BAIAP2L1: variants seen among roughly 807,000 people sequenced by gnomAD.
BAIAP2L1 encodes BAR/IMD domain containing adaptor protein 2 like 1.
Under a neutral mutation model 66.3 loss-of-function variants are expected in BAIAP2L1, and 35 were observed. That is an observed-to-expected ratio of 0.53 (90% CI 0.40 to 0.70). BAIAP2L1 has a LOEUF of 0.70. Among genes scored for constraint, BAIAP2L1 ranks in the 30% least tolerant of loss-of-function variants. The pLI is 0.00. For synonymous variants in BAIAP2L1, 269 were observed against 248.7 expected, an observed-to-expected ratio of 1.08 and a Z score of -0.77; for missense variants, 622 against 656.9, an observed-to-expected ratio of 0.95 and a Z score of 0.58.
rs1021740266 is a variant in BAIAP2L1 at position 98,292,605 on chromosome 7, T to C, written c.*916A>G. On this transcript the variant is annotated 3_prime_UTR_variant, in exon 14 of 14. Coordinates refer to ENST00000005260, the MANE Select transcript of BAIAP2L1 (RefSeq NM_018842.5). ...ATAGGGCCAGGTTCCGAGGGCATCA[T>C]GGCTGCTAGGCTGAAAAACCCGCCC... 5 of 1,549,870 alleles carry C rather than the reference T, an allele frequency of 3.2e-6. No individual in the cohort carries two copies. The highest frequency in any genetic ancestry group is 2.7e-5 in the African/African-American group (2 of 73,130).
At chr7:98,357,350 C>T (rs541775301) in intron 2 of BAIAP2L1, among the ~76,000 whole-genome samples, 79 of 150,850 alleles carry the variant, frequency 5.2e-4, no homozygotes, top group Non-Finnish European at 9.2e-4. Context: ...AGGAGGATCA[C>T]GAGGTCAAGA....
At chr7:98,370,987 T>G (rs1024277380) in intron 1 of BAIAP2L1, among the ~76,000 whole-genome samples, 58 of 152,134 alleles carry the variant, frequency 3.8e-4, no homozygotes, top group African/African-American at 1.4e-3. Context: ...TCCCACATTT[T>G]GGGGGAGAGC....
intron 1 of BAIAP2L1, among the ~76,000 whole-genome samples, chr7:98,371,856 G>A (rs543036105): frequency 5.0e-4 from 76 of 151,138 alleles, no homozygotes; most frequent in Non-Finnish European, 8.3e-4. Context: ...GTGCAGTGGC[G>A]CAATCTCGGC....
chr7:98,305,058 T>G (rs865988659), intron 11 of BAIAP2L1, among the ~76,000 whole-genome samples: 2,561 of 145,842 alleles, frequency 0.018, 88 homozygotes, highest in African/African-American at 0.062. Context: ...TTTTTTTTTT[T>G]TTTTTTTTTT....
In BAIAP2L1 at chr7:98,326,641, A is replaced by G. The variant is rs184454963; in HGVS notation, c.215-6343T>C. Among the ~76,000 whole-genome samples, 9 of 152,296 alleles carry G rather than the reference A, an allele frequency of 5.9e-5. No individual in the cohort carries two copies. In the East Asian group the frequency reaches 1.2e-3, roughly 20 times the overall value. ...TGCGAGTCCACAGTAAACAGATTAG[A>G]AAAAAGAAATGGGGGACCAGGGACA... On this transcript the variant is annotated intron_variant, in intron 3 of 13. Transcript: ENST00000005260.
Position 98,293,589 on chromosome 7 carries a change from TTTCTC to T in BAIAP2L1, c.1463_1467del (p.Gly488GlufsTer15), listed in dbSNP as rs1163835734. The stretch of plus-strand genomic sequence containing the variant: ...CGGAGTTTCACAGTGGCAAAGGGGT[TTTCTC>T]CGCTGCAGGGGATAAGAAAAATCTT... On this transcript the variant is annotated frameshift_variant and splice_region_variant, in exon 14 of 14. Transcript: ENST00000005260. LOFTEE classifies it high-confidence loss of function. 6.2e-7 allele frequency: 1 copy of T among 1,613,660 alleles called. No individual in the cohort carries two copies.
At chr7:98,377,493 T>C (rs1802660579) in intron 1 of BAIAP2L1, among the ~76,000 whole-genome samples, 1 of 152,184 alleles carries the variant, frequency 6.6e-6, no homozygotes, top group African/African-American at 2.4e-5. Context: ...TTTTGCCTGT[T>C]TGATAGGCAA....
intron 3 of BAIAP2L1, among the ~76,000 whole-genome samples, chr7:98,328,995 G>C (rs1160874795): frequency 6.6e-6 from 1 of 152,132 alleles, no homozygotes; most frequent in Admixed American, 6.6e-5. Flanking sequence ...ACCTTAAACA[G>C]AATACTGAGA....
chr7:98,358,442 C>T (rs975077742), intron 2 of BAIAP2L1, among the ~76,000 whole-genome samples: 5 of 151,912 alleles, frequency 3.3e-5, no homozygotes, highest in African/African-American at 1.2e-4. Context: ...ACTGCAGCCT[C>T]CACCTCCTGG....
chr7:98,390,491 G>C (rs938651941), intron 1 of BAIAP2L1, among the ~76,000 whole-genome samples: 1 of 151,734 alleles, frequency 6.6e-6, no homozygotes, highest in African/African-American at 2.4e-5. Flanking sequence ...CACTTTGGGA[G>C]GCCGAGGCGG....
At chr7:98,295,485 C>T (rs1800153392) in intron 12 of BAIAP2L1, among the ~76,000 whole-genome samples, 1 of 152,210 alleles carries the variant, frequency 6.6e-6, no homozygotes, top group African/African-American at 2.4e-5. Flanking sequence ...GTGTGAGGTG[C>T]ATGCTCTGCG....
intron 1 of BAIAP2L1, among the ~76,000 whole-genome samples, chr7:98,391,496 TC>T (rs1300485670): frequency 6.6e-6 from 1 of 151,586 alleles, no homozygotes; most frequent in East Asian, 2.0e-4. Flanking sequence ...GATCACAAGG[TC>T]AGGAGACAGA....
intron 2 of BAIAP2L1, among the ~76,000 whole-genome samples, chr7:98,359,065 G>T (rs979592792): frequency 1.4e-4 from 22 of 152,200 alleles, no homozygotes; most frequent in Admixed American, 7.9e-4. Context: ...CCATTGCAGG[G>T]CTGCATCCAG....
At chr7:98,390,356 CATT>C (rs1803005861) in intron 1 of BAIAP2L1, among the ~76,000 whole-genome samples, 1 of 152,148 alleles carries the variant, frequency 6.6e-6, no homozygotes, top group Admixed American at 6.6e-5. Context: ...GTTTTAAAAA[CATT>C]ATGTCCATTA....
chr7:98,299,674 G>A (rs1314174761), intron 12 of BAIAP2L1, among the ~76,000 whole-genome samples: 1 of 152,212 alleles, frequency 6.6e-6, no homozygotes, highest in Non-Finnish European at 1.5e-5. Context: ...GTTTTTAAAT[G>A]GAACACTGTA....
rs1562966870 is a variant in BAIAP2L1 at position 98,306,520 on chromosome 7, C to T, written c.1164-4G>A. On this transcript the variant is annotated splice_region_variant and splice_polypyrimidine_tract_variant and intron_variant, in intron 10 of 13. Transcript: ENST00000005260. The stretch of plus-strand genomic sequence containing the variant: ...CGACGACGGGAACCAACCCCTCCTA[C>T]CGGCAAAGAGGGAGAAAAGACCCTA... The T allele has an allele frequency of 1.2e-6, 2 of 1,614,036 alleles. No homozygotes were observed. The highest frequency in any genetic ancestry group is 1.7e-6 in the Non-Finnish European group (2 of 1,180,046).
At chr7:98,357,600 T>A (rs540099669) in intron 2 of BAIAP2L1, among the ~76,000 whole-genome samples, 1 of 149,946 alleles carries the variant, frequency 6.7e-6, no homozygotes, top group Non-Finnish European at 1.5e-5. Flanking sequence ...TATATTTATA[T>A]ATATATAAAA....
At position 98,291,690 on chromosome 7, in the gene BAIAP2L1, T is replaced by G. The variant is rs191511048; in HGVS notation, c.*1831A>C. On this transcript the variant is annotated 3_prime_UTR_variant, in exon 14 of 14. Coordinates refer to ENST00000005260, the MANE Select transcript of BAIAP2L1 (RefSeq NM_018842.5). ...CTTTATTATTAAAGTTGTAATCCCT[T>G]GATATTTACAGAGCAGGCACCTCGG... 71 of 267,054 alleles carry G rather than the reference T, an allele frequency of 2.7e-4. No individual in the cohort carries two copies. The highest frequency in any genetic ancestry group is 2.1e-3 in the Admixed American group (36 of 16,980). The allele number at this position is 267,054 out of a possible 1,614,324, so 16.5% of individuals were successfully genotyped here. A position where few individuals can be genotyped will look rare whatever the true frequency, so the allele number is the denominator to read the frequency against.
intron 3 of BAIAP2L1, among the ~76,000 whole-genome samples, chr7:98,332,996 C>T (rs1396822089): frequency 6.6e-6 from 1 of 151,870 alleles, no homozygotes; most frequent in African/African-American, 2.4e-5. Context: ...CACTGGCTTA[C>T]ATGTGTGACC....
Sources: allele counts gnomAD v4.1 joint callset (sites outside exome capture counted in the v4.1 genomes callset), GRCh38; gene constraint gnomAD v4.1.1; transcripts MANE v1.5; gene names NCBI Gene and HGNC (gene_info 2026-07-23, HGNC 2026-07-21).